Variants in MAML2 observed in about 807,000 individuals in gnomAD.
MAML2 encodes mastermind like transcriptional coactivator 2, also known as mastermind-like protein 2.
MAML2 carries 22 observed loss-of-function variants against 96.1 expected under a neutral mutation model. That is an observed-to-expected ratio of 0.23 (90% CI 0.16 to 0.33). The LOEUF (loss-of-function observed/expected upper bound fraction) is 0.33, where lower values mean the gene tolerates loss of function less well. MAML2 is among the 10% of genes least tolerant of loss of function. MAML2 has a pLI of 1.00. For missense variants in MAML2, 1,367 were observed against 1,392.4 expected, an observed-to-expected ratio of 0.98 and a Z score of 0.29; for synonymous variants, 561 against 521.3, an observed-to-expected ratio of 1.08 and a Z score of -1.04.
At chr11:96,130,770 A>ATTT (rs35416611) in intron 1 of MAML2, among the ~76,000 whole-genome samples, 28 of 147,536 alleles carry the variant, frequency 1.9e-4, no homozygotes, top group South Asian at 4.3e-4. Context: ...GTTTATTCTG[A>ATTT]TTTTTTTTTT....
intron 1 of MAML2, among the ~76,000 whole-genome samples, chr11:96,156,054 G>A (rs1330217200): frequency 6.6e-6 from 1 of 152,136 alleles, no homozygotes; most frequent in Non-Finnish European, 1.5e-5. Context: ...TCCAGCTCAT[G>A]GAAGAATTGG....
At position 96,270,006 on chromosome 11, in the gene MAML2, T is replaced by C. The variant is rs1183279543; in HGVS notation, c.513+71377A>G. Among the ~76,000 whole-genome samples, 4 of 143,878 alleles carry C rather than the reference T, an allele frequency of 2.8e-5. 1 individual carries two copies. Among genetic ancestry groups the C allele is most frequent in the Admixed American group, 1.5e-4 (2 of 13,558 alleles). The allele number at this position is 143,878 out of a possible 152,430, so 94.4% of individuals were successfully genotyped here. ...CTGATGACTGACAAATGTATGTCTT[T>C]AACCCAGACATCTCCCCTGAACTCC... is the stretch of plus-strand genomic sequence containing the variant. On this transcript the variant is annotated intron_variant, in intron 1 of 4. Coordinates refer to ENST00000524717, the MANE Select transcript of MAML2 (RefSeq NM_032427.4).
At position 96,023,293 on chromosome 11, in the gene MAML2, C is replaced by T. The variant is rs548497664; in HGVS notation, c.2140-31570G>A. Among the ~76,000 whole-genome samples, 9 of 152,302 alleles carry T rather than the reference C, an allele frequency of 5.9e-5. 1 individual carries two copies. The South Asian group carries it at 1.9e-3, about 32-fold the overall frequency. On this transcript the variant is annotated intron_variant, in intron 2 of 4. Coordinates refer to ENST00000524717, the MANE Select transcript of MAML2 (RefSeq NM_032427.4). The stretch of plus-strand genomic sequence containing the variant: ...GAGAAGCTGCAGACGGCATTGTTGC[C>T]ATATGATGGAGTCACTGTTTGCATA...
chr11:96,137,723 T>A (rs183259825), intron 1 of MAML2, among the ~76,000 whole-genome samples: 5 of 152,324 alleles, frequency 3.3e-5, no homozygotes, highest in Non-Finnish European at 5.9e-5. Flanking sequence ...AAACTGTGGG[T>A]GTTTATGGTT....
intron 1 of MAML2, among the ~76,000 whole-genome samples, chr11:96,191,282 GGT>G (rs1181982250): frequency 6.6e-6 from 1 of 151,872 alleles, no homozygotes; most frequent in Non-Finnish European, 1.5e-5. Flanking sequence ...TGACCAACAC[GGT>G]GAAACCCCAT....
chr11:96,110,418 A>G (rs1289701332), intron 1 of MAML2, among the ~76,000 whole-genome samples: 1 of 152,236 alleles, frequency 6.6e-6, no homozygotes, highest in African/African-American at 2.4e-5. Flanking sequence ...TGTTGTTCCT[A>G]GTCTTCCAAA....
intron 1 of MAML2, among the ~76,000 whole-genome samples, chr11:96,259,312 A>C (rs1261403713): frequency 6.6e-6 from 1 of 151,970 alleles, no homozygotes; most frequent in East Asian, 1.9e-4. Context: ...ACAGACCAAG[A>C]TTTATTTTTT....
intron 1 of MAML2, among the ~76,000 whole-genome samples, chr11:96,256,817 C>T (rs189496318): frequency 2.2e-4 from 33 of 152,260 alleles, no homozygotes; most frequent in African/African-American, 7.9e-4. Flanking sequence ...TGTCCGGCTG[C>T]AATACATCTG....
chr11:96,291,572 A>G (rs1863210623), intron 1 of MAML2, among the ~76,000 whole-genome samples: 1 of 152,062 alleles, frequency 6.6e-6, no homozygotes, highest in African/African-American at 2.4e-5. Flanking sequence ...TTCTCTTCTC[A>G]TTTTAGAGAT....
intron 1 of MAML2, among the ~76,000 whole-genome samples, chr11:96,257,701 G>GA (rs35888044): frequency 0.4 from 59,703 of 151,064 alleles, 11,952 homozygotes; most frequent in South Asian, 0.56. Context: ...AACTTGGAAT[G>GA]AAAAAAAAAC....
intron 1 of MAML2, among the ~76,000 whole-genome samples, chr11:96,284,189 C>T (rs535982585): frequency 6.6e-6 from 1 of 152,292 alleles, no homozygotes; most frequent in African/African-American, 2.4e-5. Flanking sequence ...GTACCACTTT[C>T]AATTTGTCTG....
At chr11:96,299,757 A>G (rs1303429964) in intron 1 of MAML2, among the ~76,000 whole-genome samples, 3 of 152,112 alleles carry the variant, frequency 2.0e-5, no homozygotes, top group Non-Finnish European at 4.4e-5. Context: ...GCTGCTTAGC[A>G]CACCCTGCAG....
intron 1 of MAML2, among the ~76,000 whole-genome samples, chr11:96,245,215 CTTTTTTTTTT>C (rs10584752): frequency 7.6e-6 from 1 of 131,630 alleles, no homozygotes; most frequent in Non-Finnish European, 1.6e-5. Context: ...AGTCATCCTT[CTTTTTTTTTT>C]TTTTTTTTTC....
At chr11:96,099,749 A>G (rs1012781511) in intron 1 of MAML2, among the ~76,000 whole-genome samples, 4 of 152,264 alleles carry the variant, frequency 2.6e-5, no homozygotes, top group East Asian at 3.9e-4. Flanking sequence ...TAATGGTTCC[A>G]CCAGAATTTT....
At chr11:96,004,388 T>G (rs1242426083) in intron 2 of MAML2, among the ~76,000 whole-genome samples, 7 of 152,164 alleles carry the variant, frequency 4.6e-5, no homozygotes, top group African/African-American at 1.4e-4. Context: ...ATAAAAAAAT[T>G]GATTTCCAAA....
At chr11:96,326,900 A>T (rs958638940) in intron 1 of MAML2, among the ~76,000 whole-genome samples, 1 of 152,232 alleles carries the variant, frequency 6.6e-6, no homozygotes, top group Non-Finnish European at 1.5e-5. Flanking sequence ...GGCTTGGAAT[A>T]CTTATGGTGA....
At chr11:96,041,525 G>A (rs532517264) in intron 2 of MAML2, among the ~76,000 whole-genome samples, 48 of 140,752 alleles carry the variant, frequency 3.4e-4, no homozygotes, top group Non-Finnish European at 6.4e-4. Flanking sequence ...GGGAAGGAAG[G>A]GAAGGAAGGA....
chr11:96,240,279 C>T (rs1325879360), intron 1 of MAML2, among the ~76,000 whole-genome samples: 2 of 152,210 alleles, frequency 1.3e-5, no homozygotes, highest in South Asian at 2.1e-4. Context: ...ATTAAGAAAG[C>T]TGATGTCACG....
chr11:96,106,181 A>G lies in MAML2; in HGVS notation c.514-12664T>C, dbSNP rs151263427. Among the ~76,000 whole-genome samples the G allele has an allele frequency of 2.8e-3, 434 of 152,340 alleles. 5 individuals carry two copies. The highest frequency in any genetic ancestry group is 9.9e-3 in the African/African-American group (410 of 41,588). On this transcript the variant is annotated intron_variant, in intron 1 of 4. Coordinates refer to ENST00000524717, the MANE Select transcript of MAML2 (RefSeq NM_032427.4). ...CTGACTTGCTCAGCTCAGTAATTAT[A>G]TGACTGAGATGAATTCTCCACCTGA...
Sources: gnomAD v4.1 joint callset for allele counts (sites outside exome capture counted in the v4.1 genomes callset) on GRCh38, gnomAD v4.1.1 for gene constraint, MANE v1.5 for transcripts, NCBI Gene and HGNC (gene_info 2026-07-23, HGNC 2026-07-21) for gene names.